Variants in PDE12 observed in about 807,000 individuals in gnomAD.
PDE12 encodes the protein 2',5'-phosphodiesterase 12.
Under a neutral mutation model 45.4 loss-of-function variants are expected in PDE12, and 26 were observed. That is an observed-to-expected ratio of 0.57 (90% CI 0.42 to 0.79). PDE12 has a LOEUF of 0.79. PDE12 is among the 30% of genes least tolerant of loss of function. PDE12 has a pLI of 0.00. For missense variants in PDE12, 668 were observed against 790.0 expected (o/e 0.85, Z 1.85); for synonymous variants, 283 against 323.9 (o/e 0.87, Z 1.36).
At chr3:57,558,493 A>G (rs991949505) in intron 1 of PDE12, among the ~76,000 whole-genome samples, 12 of 151,638 alleles carry the variant, frequency 7.9e-5, no homozygotes, top group Admixed American at 7.2e-4. Flanking sequence ...TTGGACTATT[A>G]TTATTATTAT....
chr3:57,641,639 A>G, the PDE12 span: 3 of 1,601,828 alleles, frequency 1.9e-6, no homozygotes, highest in Non-Finnish European at 8.5e-7. Context: ...CAGAACACCA[A>G]GTTTATACTT....
the PDE12 span, among the ~76,000 whole-genome samples, chr3:57,633,950 T>C: frequency 2.6e-5 from 4 of 152,050 alleles, no homozygotes; most frequent in Non-Finnish European, 5.9e-5. Context: ...TGCTATACTA[T>C]ACTATTTACA....
chr3:57,651,649 T>C, the PDE12 span, among the ~76,000 whole-genome samples: 5 of 151,966 alleles, frequency 3.3e-5, no homozygotes, highest in African/African-American at 1.2e-4. Flanking sequence ...AGGTTGAATA[T>C]TGTATGATAT....
At chr3:57,584,264 G>T in the PDE12 span, 1 of 1,036,674 alleles carries the variant, frequency 9.6e-7, no homozygotes, top group Non-Finnish European at 1.4e-6. Flanking sequence ...CACCCGGCCT[G>T]TTTTAAAAGT....
At chr3:57,569,066 G>C (rs2153408006), downstream of PDE12, among the ~76,000 whole-genome samples, 1 of 152,232 alleles carries the variant, frequency 6.6e-6, no homozygotes, top group African/African-American at 2.4e-5. Context: ...GGCGGTCACA[G>C]AGAACTCTTA....
chr3:57,560,411 C>T lies in PDE12; in HGVS notation c.*407C>T, dbSNP rs753060450. On this transcript the variant is annotated 3_prime_UTR_variant, in exon 3 of 3. Transcript: ENST00000311180. Reference sequence around the variant, plus strand: ...CACAATCTCGGCTCACTGCAACCTCCGCCCCCTGGGTTTAAGCGATTCTCC... The same window carrying T: ...CACAATCTCGGCTCACTGCAACCTCTGCCCCCTGGGTTTAAGCGATTCTCC... 18 of 632,098 alleles carry T rather than the reference C, an allele frequency of 2.8e-5. No homozygotes were observed. Among genetic ancestry groups the T allele is most frequent in the South Asian group, 1.9e-4 (3 of 16,080 alleles). The allele number at this position is 632,098 out of a possible 1,614,324, so 39.2% of individuals were successfully genotyped here.
At chr3:57,650,708 A>C in the PDE12 span, among the ~76,000 whole-genome samples, 1 of 152,324 alleles carries the variant, frequency 6.6e-6, no homozygotes, top group East Asian at 1.9e-4. Flanking sequence ...CATTATTCAT[A>C]ATAACCAAAA....
the PDE12 span, chr3:57,629,030 G>T: frequency 1.8e-6 from 1 of 564,510 alleles, no homozygotes; most frequent in Non-Finnish European, 3.0e-6. Flanking sequence ...TATAGTGCAA[G>T]AATAATTCTC....
chr3:57,561,913 A>C lies in PDE12; in HGVS notation c.*1909A>C. The C allele has an allele frequency of 1.0e-6, 1 of 984,986 alleles. No homozygotes were observed. Among genetic ancestry groups the C allele is most frequent in the Non-Finnish European group, 1.2e-6 (1 of 829,508 alleles). 61.0% of individuals were successfully genotyped at this position (984,986 alleles called of 1,614,324 possible). A position where few individuals can be genotyped will look rare whatever the true frequency, so the allele number is the denominator to read the frequency against. ...AAAATTAAAGTGGAAGTTTCTTCGG[A>C]TCTTGTTTAGAAAAAACTATAAATA... On this transcript the variant is annotated 3_prime_UTR_variant, in exon 3 of 3. Transcript: ENST00000311180.
the PDE12 span, among the ~76,000 whole-genome samples, chr3:57,610,465 T>A: frequency 6.6e-6 from 1 of 152,172 alleles, no homozygotes; most frequent in Non-Finnish European, 1.5e-5. Context: ...GCAGATGACA[T>A]GACTGTATAT....
the PDE12 span, among the ~76,000 whole-genome samples, chr3:57,614,110 CAACA>C: frequency 3.3e-5 from 5 of 151,980 alleles, no homozygotes; most frequent in African/African-American, 1.2e-4. Flanking sequence ...CTTATATATA[CAACA>C]AACAGGCAGA....
the PDE12 span, among the ~76,000 whole-genome samples, chr3:57,639,999 G>A: frequency 9.2e-5 from 14 of 152,086 alleles, no homozygotes; most frequent in Admixed American, 2.0e-4. Context: ...CTGGCCAGGC[G>A]CAGTGGCTCA....
At chr3:57,596,133 A>G in the PDE12 span, among the ~76,000 whole-genome samples, 2 of 152,148 alleles carry the variant, frequency 1.3e-5, no homozygotes, top group Non-Finnish European at 1.5e-5. Flanking sequence ...CAGCCAACTG[A>G]CAGCCCTTCT....
chr3:57,586,600 C>A, the PDE12 span, among the ~76,000 whole-genome samples: 113,794 of 152,010 alleles, frequency 0.75, 44,683 homozygotes, highest in East Asian at 1. Flanking sequence ...TCCTTCCCAA[C>A]TACTAGTCAG....
chr3:57,613,892 C>A, the PDE12 span, among the ~76,000 whole-genome samples: 1 of 101,802 alleles, frequency 9.8e-6, no homozygotes, highest in Non-Finnish European at 1.8e-5. Flanking sequence ...CAGAGCGAGA[C>A]TCCATCTCAA....
At chr3:57,584,105 C>A in the PDE12 span, 14 of 849,582 alleles carry the variant, frequency 1.6e-5, no homozygotes, top group Non-Finnish European at 2.4e-5. Context: ...TAAAGTACTT[C>A]TTTTTATTTT....
chr3:57,582,191 C>G, the PDE12 span, among the ~76,000 whole-genome samples: 1 of 152,056 alleles, frequency 6.6e-6, no homozygotes, highest in Non-Finnish European at 1.5e-5. Context: ...GCATGTGCCT[C>G]TGTATCAAGT....
At chr3:57,622,905 A>G in the PDE12 span, among the ~76,000 whole-genome samples, 1 of 152,198 alleles carries the variant, frequency 6.6e-6, no homozygotes, top group African/African-American at 2.4e-5. Context: ...TACAAACTAT[A>G]GTGACGGAAA....
chr3:57,646,451 G>A, the PDE12 span: 7 of 1,600,214 alleles, frequency 4.4e-6, no homozygotes, highest in Non-Finnish European at 5.1e-6. Flanking sequence ...GAAAGGTGAT[G>A]CACAGTAGAA....
Sources: allele counts gnomAD v4.1 joint callset (sites outside exome capture counted in the v4.1 genomes callset), GRCh38; gene constraint gnomAD v4.1.1; transcripts MANE v1.5; gene names NCBI Gene and HGNC (gene_info 2026-07-23, HGNC 2026-07-21).